SIK3: variants seen among roughly 807,000 people sequenced by gnomAD.
The protein encoded by SIK3 is SIK family kinase 3.
Under a neutral mutation model 144.2 loss-of-function variants are expected in SIK3, and 28 were observed. That is an observed-to-expected ratio of 0.19 (90% confidence interval 0.14 to 0.27). SIK3 has a LOEUF of 0.27. Among genes scored for constraint, SIK3 ranks in the 10% least tolerant of loss-of-function variants. The pLI is 1.00. For missense variants in SIK3, 1,319 were observed against 1,776.0 expected, an observed-to-expected ratio of 0.74 and a Z score of 4.62; for synonymous variants, 686 against 676.3, an observed-to-expected ratio of 1.01 and a Z score of -0.22.
At chr11:116,904,133 C>T (rs1423866163) in intron 4 of SIK3, among the ~76,000 whole-genome samples, 5 of 152,028 alleles carry the variant, frequency 3.3e-5, no homozygotes, top group Admixed American at 2.6e-4. Flanking sequence ...TGTGTTAGAT[C>T]TTCTAACAAA....
At chr11:116,898,272 A>C (rs915950591) in intron 4 of SIK3, among the ~76,000 whole-genome samples, 8 of 151,990 alleles carry the variant, frequency 5.3e-5, no homozygotes, top group Non-Finnish European at 1.0e-4. Flanking sequence ...ATGATTTCCA[A>C]TTTCATCCAT....
In SIK3 at chr11:117,036,336, C is replaced by A. The variant is rs938188429; in HGVS notation, c.273+61807G>T. ...AGCTGAGGCAGCTAATGGGCTCATACAAAGGTTTGGAAGACCCATTCTGAC... is the reference window on the plus strand; with the variant it reads ...AGCTGAGGCAGCTAATGGGCTCATAAAAAGGTTTGGAAGACCCATTCTGAC... On this transcript the variant is annotated intron_variant, in intron 1 of 24. Coordinates refer to ENST00000445177, the MANE Select transcript of SIK3 (RefSeq NM_001366686.3). 5.9e-5 allele frequency among the ~76,000 whole-genome samples: 9 copies of A among 152,104 alleles called. No homozygotes were observed. The East Asian group carries it at 1.7e-3, about 29-fold the overall frequency.
At chr11:117,033,811 G>C (rs749859998) in intron 1 of SIK3, among the ~76,000 whole-genome samples, 1 of 150,572 alleles carries the variant, frequency 6.6e-6, no homozygotes, top group African/African-American at 2.4e-5. Flanking sequence ...ATGGATATAA[G>C]AAGATTGATC....
At chr11:117,028,627 C>A (rs1952125332) in intron 1 of SIK3, among the ~76,000 whole-genome samples, 1 of 151,228 alleles carries the variant, frequency 6.6e-6, no homozygotes, top group Admixed American at 6.6e-5. Flanking sequence ...AAGAAAGAAG[C>A]ATGTCAAGGA....
At chr11:116,968,924 C>T (rs890361895) in intron 1 of SIK3, among the ~76,000 whole-genome samples, 3 of 152,088 alleles carry the variant, frequency 2.0e-5, no homozygotes, top group Non-Finnish European at 4.4e-5. Flanking sequence ...ACTTTTAAGC[C>T]AATTAACATG....
At chr11:116,865,719 G>A (rs961959414) in intron 15 of SIK3, among the ~76,000 whole-genome samples, 1 of 152,110 alleles carries the variant, frequency 6.6e-6, no homozygotes, top group African/African-American at 2.4e-5. Flanking sequence ...TACCCCAGAA[G>A]GATAGCTATA....
At chr11:117,027,773 A>T (rs879562170) in intron 1 of SIK3, among the ~76,000 whole-genome samples, 1 of 152,096 alleles carries the variant, frequency 6.6e-6, no homozygotes, top group Non-Finnish European at 1.5e-5. Flanking sequence ...GGCCCAGGGA[A>T]GGCTGTTTTC....
chr11:117,002,944 T>G (rs1242787835), intron 1 of SIK3, among the ~76,000 whole-genome samples: 17 of 152,256 alleles, frequency 1.1e-4, no homozygotes, highest in Admixed American at 1.1e-3. Context: ...TCACATTCCT[T>G]ACAGGTAGCC....
At chr11:116,966,622 C>T (rs910440910) in intron 1 of SIK3, among the ~76,000 whole-genome samples, 3 of 151,940 alleles carry the variant, frequency 2.0e-5, no homozygotes, top group Non-Finnish European at 4.4e-5. Context: ...GGGCATTTTT[C>T]GTTTTTGAAT....
intron 1 of SIK3, among the ~76,000 whole-genome samples, chr11:116,992,418 T>C (rs1950531101): frequency 6.6e-6 from 1 of 151,914 alleles, no homozygotes; most frequent in Non-Finnish European, 1.5e-5. Flanking sequence ...GTTTCCTTTC[T>C]TATCCACTCC....
chr11:116,907,965 G>A (rs927137892), intron 4 of SIK3, among the ~76,000 whole-genome samples: 4 of 147,252 alleles, frequency 2.7e-5, no homozygotes, highest in Admixed American at 2.1e-4. Flanking sequence ...AATGTGAAAG[G>A]TAAAACTATC....
At chr11:117,051,578 G>A (rs935102509) in intron 1 of SIK3, among the ~76,000 whole-genome samples, 1 of 151,618 alleles carries the variant, frequency 6.6e-6, no homozygotes. Context: ...ACCCAGGCTG[G>A]AGTGCAATGG....
At chr11:116,965,768 T>C (rs1216999502) in intron 1 of SIK3, among the ~76,000 whole-genome samples, 2 of 27,100 alleles carry the variant, frequency 7.4e-5, no homozygotes, top group Admixed American at 3.9e-4. Flanking sequence ...TATATATATA[T>C]ATATATATAT....
chr11:116,861,906 C>T lies in SIK3; in HGVS notation c.2250G>A (p.Gln750=), dbSNP rs560511616. The T allele has an allele frequency of 3.2e-4, 519 of 1,610,798 alleles. 3 individuals carry two copies. The East Asian group carries it at 7.7e-3, about 24-fold the overall frequency. ...ATGCAGCCTGAAGAGGTGGAGATGG[C>T]TGAGGAGGACAGATAGAGTCCTAAA... The part of the protein sequence containing the change: ...QQIQDSICPP[Q]PSPPLQAACE... Residue 750 remains glutamine, a synonymous_variant, in exon 18 of 25, where the codon CAG becomes CAA. Coordinates refer to ENST00000445177, the MANE Select transcript of SIK3 (RefSeq NM_001366686.3).
In SIK3 at chr11:116,875,242, C is replaced by G. The variant is rs993140141; in HGVS notation, c.1343G>C (p.Ser448Thr). The change falls in exon 11 of 25, where the codon AGT becomes ACT. Residue 448 changes from serine (S) to threonine (T), a missense_variant. Ser to Thr is a moderately conservative substitution (Grantham distance 58). This residue lies in a region of SIK3 where 167 missense variants were observed against 263.3 expected (regional missense o/e 0.63). Transcript: ENST00000445177. ...VEPDGTLNLD[S>T]DEGEEPSPEA... The stretch of plus-strand genomic sequence containing the variant: ...AGGGGAAGGCTCTTCACCCTCATCA[C>G]TGTCCAAATTCAGTGTCCCATCCGG... 6.2e-7 allele frequency: 1 copy of G among 1,614,202 alleles called. No individual in the cohort carries two copies. The highest frequency in any genetic ancestry group is 8.5e-7 in the Non-Finnish European group (1 of 1,180,034).
At chr11:116,999,365 T>C (rs1950774905) in intron 1 of SIK3, among the ~76,000 whole-genome samples, 1 of 152,228 alleles carries the variant, frequency 6.6e-6, no homozygotes, top group Non-Finnish European at 1.5e-5. Context: ...CTGACTTTTC[T>C]GAAACTCAAC....
At chr11:116,894,764 A>G (rs912207860) in intron 6 of SIK3, among the ~76,000 whole-genome samples, 2 of 152,186 alleles carry the variant, frequency 1.3e-5, no homozygotes, top group African/African-American at 4.8e-5. Flanking sequence ...CACACATGGT[A>G]GGTAGCATCT....
chr11:117,056,578 TATAG>T (rs1953542400), intron 1 of SIK3, among the ~76,000 whole-genome samples: 1 of 118,024 alleles, frequency 8.5e-6, no homozygotes, highest in Non-Finnish European at 1.7e-5. Context: ...TAGATATAGA[TATAG>T]ATATAGATAT....
At chr11:117,071,782 A>ATTTTT (rs57735255) in intron 1 of SIK3, among the ~76,000 whole-genome samples, 6 of 105,638 alleles carry the variant, frequency 5.7e-5, no homozygotes, top group Non-Finnish European at 9.2e-5. Context: ...TGCTTGGTTA[A>ATTTTT]TTTTTTTTTT....
Sources: gnomAD v4.1 joint callset for allele counts (sites outside exome capture counted in the v4.1 genomes callset) on GRCh38, gnomAD v4.1.1 for gene constraint, gnomAD v4.1.1 regional missense constraint, MANE v1.5 for transcripts, NCBI Gene and HGNC (gene_info 2026-07-23, HGNC 2026-07-21) for gene names.